Variants in GPM6A observed in about 807,000 individuals in gnomAD.
GPM6A encodes glycoprotein M6A, also known as neuronal membrane glycoprotein M6-a.
A neutral mutation model predicts 32.1 loss-of-function variants in GPM6A; 7 were observed. The observed-to-expected ratio is 0.22, with a 90% CI of 0.12 to 0.41. The LOEUF (loss-of-function observed/expected upper bound fraction) is 0.41. Among genes scored for constraint, GPM6A ranks in the 10% least tolerant of loss-of-function variants. GPM6A has a pLI of 1.00. For synonymous variants in GPM6A, 130 were observed against 123.4 expected (o/e 1.05, Z -0.35); for missense variants, 235 against 347.2 (o/e 0.68, Z 2.57).
chr4:175,922,605 T>G (rs1372972294), intron 1 of GPM6A, among the ~76,000 whole-genome samples: 5 of 152,176 alleles, frequency 3.3e-5, no homozygotes, highest in Non-Finnish European at 7.4e-5. Context: ...TCCAAGGTGG[T>G]ATAATGAAAT....
chr4:175,637,259 AAT>A (rs1156792861), intron 6 of GPM6A, among the ~76,000 whole-genome samples: 5 of 44,142 alleles, frequency 1.1e-4, no homozygotes, highest in South Asian at 8.2e-4. Context: ...TATAATATAA[AAT>A]ATATATTATA....
intron 1 of GPM6A, among the ~76,000 whole-genome samples, chr4:175,974,085 C>T (rs1029559653): frequency 1.3e-5 from 2 of 151,768 alleles, no homozygotes; most frequent in African/African-American, 4.8e-5. Flanking sequence ...ATACAGAAAA[C>T]AGCTGGGCGT....
At chr4:175,843,883 C>T (rs1214159715) in intron 1 of GPM6A, among the ~76,000 whole-genome samples, 2 of 152,154 alleles carry the variant, frequency 1.3e-5, no homozygotes, top group African/African-American at 2.4e-5. Flanking sequence ...GATGCCTCAT[C>T]CTTGTGCTCC....
intron 6 of GPM6A, among the ~76,000 whole-genome samples, chr4:175,636,574 T>C (rs1224190312): frequency 6.7e-6 from 1 of 150,250 alleles, no homozygotes; most frequent in African/African-American, 2.4e-5. Context: ...GGCGGGTTGA[T>C]CACTTGAGGT....
At chr4:175,744,905 T>G (rs945765047) in intron 1 of GPM6A, among the ~76,000 whole-genome samples, 3 of 152,182 alleles carry the variant, frequency 2.0e-5, no homozygotes, top group Non-Finnish European at 4.4e-5. Flanking sequence ...ATAGGAATTA[T>G]GTGTATTTAT....
At chr4:175,882,555 T>C (rs1445660219) in intron 1 of GPM6A, among the ~76,000 whole-genome samples, 2 of 152,058 alleles carry the variant, frequency 1.3e-5, no homozygotes, top group Non-Finnish European at 2.9e-5. Flanking sequence ...AAGAAATGTT[T>C]AAATGTTTAA....
At chr4:175,686,711 G>C (rs1456724771) in intron 2 of GPM6A, among the ~76,000 whole-genome samples, 2 of 152,230 alleles carry the variant, frequency 1.3e-5, no homozygotes, top group Admixed American at 1.3e-4. Context: ...CATTTCTGCT[G>C]TTTTAAGCCA....
intron 1 of GPM6A, among the ~76,000 whole-genome samples, chr4:175,943,394 G>A (rs558301272): frequency 5.3e-4 from 80 of 152,120 alleles, no homozygotes; most frequent in Non-Finnish European, 8.5e-4. Context: ...TGATTGCCCT[G>A]GCCAGAACTT....
At chr4:175,823,736 G>A (rs1017990134) in intron 1 of GPM6A, among the ~76,000 whole-genome samples, 2 of 152,042 alleles carry the variant, frequency 1.3e-5, no homozygotes, top group African/African-American at 4.8e-5. Flanking sequence ...AGTCCTCTGT[G>A]GATGAAAAAA....
chr4:175,675,221 GATTT>G (rs1434880208), intron 2 of GPM6A, among the ~76,000 whole-genome samples: 2 of 150,262 alleles, frequency 1.3e-5, no homozygotes, highest in Admixed American at 6.6e-5. Flanking sequence ...ACTCCATTAG[GATTT>G]ATTTATTTTA....
chr4:175,763,250 G>T (rs1238071872), intron 1 of GPM6A, among the ~76,000 whole-genome samples: 1 of 152,020 alleles, frequency 6.6e-6, no homozygotes, highest in African/African-American at 2.4e-5. Flanking sequence ...CTGACCTTGT[G>T]ATTCACCTGC....
intron 2 of GPM6A, among the ~76,000 whole-genome samples, chr4:175,699,362 A>G (rs1744746401): frequency 6.6e-6 from 1 of 152,164 alleles, no homozygotes; most frequent in Admixed American, 6.6e-5. Flanking sequence ...TTGGTTTTAT[A>G]CATAGGTTTG....
At chr4:175,738,882 C>T (rs1731768577) in intron 1 of GPM6A, among the ~76,000 whole-genome samples, 1 of 152,006 alleles carries the variant, frequency 6.6e-6, no homozygotes, top group Non-Finnish European at 1.5e-5. Flanking sequence ...TTGAGATATA[C>T]AAAGTTATAG....
chr4:175,907,273 T>C (rs1329443618), intron 1 of GPM6A: 2 of 151,940 alleles, frequency 1.3e-5, no homozygotes, highest in African/African-American at 2.4e-5. Context: ...CCCATGAGAG[T>C]CCTCTAGTTT....
intron 1 of GPM6A, among the ~76,000 whole-genome samples, chr4:175,939,748 TA>T (rs1739346630): frequency 6.6e-6 from 1 of 152,132 alleles, no homozygotes; most frequent in Non-Finnish European, 1.5e-5. Flanking sequence ...GACCTAGAAC[TA>T]GGATATGATG....
intron 3 of GPM6A, among the ~76,000 whole-genome samples, chr4:175,660,844 G>T (rs774570023): frequency 2.0e-5 from 3 of 152,108 alleles, no homozygotes; most frequent in Non-Finnish European, 4.4e-5. Flanking sequence ...TCTAGCTATG[G>T]CTATATTTTC....
intron 1 of GPM6A, among the ~76,000 whole-genome samples, chr4:175,940,940 T>C (rs1057303666): frequency 2.0e-5 from 3 of 152,202 alleles, no homozygotes; most frequent in African/African-American, 7.2e-5. Flanking sequence ...ACAGTTAAGT[T>C]AGAAATACTG....
chr4:175,910,604 G>A (rs1738284271), intron 1 of GPM6A, among the ~76,000 whole-genome samples: 1 of 152,076 alleles, frequency 6.6e-6, no homozygotes, highest in East Asian at 1.9e-4. Flanking sequence ...TATTAACTAG[G>A]CTTCTGAAAT....
At chr4:175,947,674 T>C (rs1739654558) in intron 1 of GPM6A, 1 of 152,194 alleles carries the variant, frequency 6.6e-6, no homozygotes, top group South Asian at 2.1e-4. Context: ...GAATGGCTAA[T>C]AGAGCAGGAA....
Sources: allele counts gnomAD v4.1 joint callset (sites outside exome capture counted in the v4.1 genomes callset), GRCh38; gene constraint gnomAD v4.1.1; transcripts MANE v1.5; gene names NCBI Gene and HGNC (gene_info 2026-07-23, HGNC 2026-07-21).